ITSN1: variants seen among roughly 807,000 people sequenced by gnomAD.
ITSN1 encodes the protein intersectin 1, also known as intersectin-1.
Under a neutral mutation model 239.8 loss-of-function variants are expected in ITSN1, and 58 were observed. That is an observed-to-expected ratio of 0.24 (90% CI 0.20 to 0.30). The LOEUF (loss-of-function observed/expected upper bound fraction) is 0.30. ITSN1 is among the 10% of genes least tolerant of loss of function. The pLI, the probability that ITSN1 is intolerant of heterozygous loss-of-function variation, is 1.00. For missense variants in ITSN1, 1,558 were observed against 2,103.3 expected (o/e 0.74, Z 5.07); for synonymous variants, 780 against 770.8 (o/e 1.01, Z -0.20).
Position 33,707,189 on chromosome 21 carries a change from A to G in ITSN1, c.-32-11608A>G, listed in dbSNP as rs186810466. ...GTTAGGAATGCTGTACCCTTGACTC[A>G]TACTTAGTCTTTTCTTTGTGGCTTG... is the stretch of plus-strand genomic sequence containing the variant. On this transcript the variant is annotated intron_variant, in intron 1 of 39. Transcript: ENST00000381318. Among the ~76,000 whole-genome samples, 12 of 152,316 alleles carry G rather than the reference A, an allele frequency of 7.9e-5. No individual in the cohort carries two copies. The East Asian group carries it at 1.9e-3, about 24-fold the overall frequency.
chr21:33,832,072 G>A (rs1569272246), intron 27 of ITSN1, among the ~76,000 whole-genome samples: 1 of 152,128 alleles, frequency 6.6e-6, no homozygotes, highest in African/African-American at 2.4e-5. Flanking sequence ...TTCCTGCGGG[G>A]CCCCTCTCCC....
chr21:33,725,720 T>C (rs1394970325), intron 4 of ITSN1, among the ~76,000 whole-genome samples: 1 of 152,242 alleles, frequency 6.6e-6, no homozygotes, highest in Non-Finnish European at 1.5e-5. Flanking sequence ...ATTGAATGAA[T>C]CTTTAATTTT....
chr21:33,795,986 C>T (rs554934876), intron 17 of ITSN1, among the ~76,000 whole-genome samples: 39 of 139,816 alleles, frequency 2.8e-4, no homozygotes, highest in African/African-American at 8.8e-4. Context: ...TTTTTTGAGA[C>T]GGAGTCTCGC....
intron 31 of ITSN1, among the ~76,000 whole-genome samples, chr21:33,859,560 G>A (rs1980068320): frequency 6.6e-6 from 1 of 151,622 alleles, no homozygotes; most frequent in Non-Finnish European, 1.5e-5. Context: ...CCTGCTGGGA[G>A]GAAGGGCCAC....
chr21:33,881,191 A>C (rs1984843558), intron 34 of ITSN1, among the ~76,000 whole-genome samples: 1 of 152,078 alleles, frequency 6.6e-6, no homozygotes, highest in Non-Finnish European at 1.5e-5. Flanking sequence ...GTGGATCACG[A>C]GGTCAGGAGA....
chr21:33,860,446 C>T (rs1980292212), intron 31 of ITSN1, among the ~76,000 whole-genome samples: 1 of 152,140 alleles, frequency 6.6e-6, no homozygotes. Flanking sequence ...GAGAGGGCTT[C>T]CCCCACTTCA....
intron 11 of ITSN1, 146 bp from the exon 12 acceptor site, chr21:33,771,915 T>C: frequency 2.5e-6 from 2 of 813,362 alleles, no homozygotes; most frequent in Non-Finnish European, 3.9e-6. Flanking sequence ...GGGTTTTCGT[T>C]GTGCTCATTA....
At chr21:33,883,693 G>C in intron 36 of ITSN1, 22 bp downstream of exon 36, 1 of 1,610,244 alleles carries the variant, frequency 6.2e-7, no homozygotes, top group Non-Finnish European at 8.5e-7. Flanking sequence ...CGCCTCCCCA[G>C]CATGGGCCCC....
At chr21:33,699,745 C>G (rs1334551589) in intron 1 of ITSN1, among the ~76,000 whole-genome samples, 1 of 152,094 alleles carries the variant, frequency 6.6e-6, no homozygotes, top group Non-Finnish European at 1.5e-5. Context: ...AATAAATAAG[C>G]AAGCCCAAAG....
chr21:33,651,935 T>TA (rs1413509114), intron 1 of ITSN1, among the ~76,000 whole-genome samples: 2 of 152,258 alleles, frequency 1.3e-5, no homozygotes, highest in Admixed American at 6.5e-5. Context: ...AAGTGATTAA[T>TA]ATTACAGTTG....
At chr21:33,676,464 G>A (rs1407019035) in intron 1 of ITSN1, among the ~76,000 whole-genome samples, 1 of 152,162 alleles carries the variant, frequency 6.6e-6, no homozygotes, top group Non-Finnish European at 1.5e-5. Context: ...CTGGGCTCAA[G>A]CAAACCTCCC....
At chr21:33,754,106 G>A (rs577080948) in intron 7 of ITSN1, 40 of 152,166 alleles carry the variant, frequency 2.6e-4, no homozygotes, top group Middle Eastern at 3.4e-3. Context: ...CATTCCTGGC[G>A]TGTAGCAACT....
intron 20 of ITSN1, among the ~76,000 whole-genome samples, chr21:33,804,164 A>G (rs1393169081): frequency 6.6e-6 from 1 of 152,182 alleles, no homozygotes; most frequent in African/African-American, 2.4e-5. Context: ...AGATTCCTCA[A>G]ACGTCTTTGG....
chr21:33,774,765 G>A lies in ITSN1; in HGVS notation c.1342G>A (p.Glu448Lys). 1 of 1,614,042 alleles carries A rather than the reference G, an allele frequency of 6.2e-7. No individual in the cohort carries two copies. The highest frequency in any genetic ancestry group is 1.3e-5 in the African/African-American group (1 of 75,042). Residue 448 changes from glutamate to lysine, a missense_variant, in exon 13 of 40, where the codon GAG becomes AAG. Glu to Lys is a moderately conservative substitution (Grantham distance 56). Around this residue, in one of 2 missense-constraint regions of ITSN1, gnomAD observed 982 missense variants for 1,209.9 expected, o/e 0.81. Coordinates refer to ENST00000381318, the MANE Select transcript of ITSN1 (RefSeq NM_003024.3). ...GGAACTTGAAAGGCAACGACAACTT[G>A]AGTGGGAACGGAATCGAAGGCAAGA... ...KRELERQRQL[E>K]WERNRRQELL...
At position 33,894,324 on chromosome 21, in the gene ITSN1, C is replaced by G. The variant is rs765886367; in HGVS notation, c.*6024C>G. ...TGGCCCTGGGGGAGCCATATTACAC[C>G]CACATCATAATTTTTCTGACACTAT... On this transcript the variant is annotated 3_prime_UTR_variant, in exon 40 of 40. Transcript: ENST00000381318. 6 of 152,124 alleles carry G rather than the reference C, an allele frequency of 3.9e-5. No homozygotes were observed. The highest frequency in any genetic ancestry group is 1.3e-4 in the Admixed American group (2 of 15,272). The allele number at this position is 152,124 out of a possible 1,614,324, so 9.4% of individuals were successfully genotyped here.
intron 1 of ITSN1, among the ~76,000 whole-genome samples, chr21:33,718,458 C>G (rs1182483776): frequency 2.6e-5 from 4 of 152,092 alleles, no homozygotes; most frequent in Admixed American, 6.6e-5. Flanking sequence ...ATAGCATTTA[C>G]CTTGTATTAA....
intron 1 of ITSN1, among the ~76,000 whole-genome samples, chr21:33,678,171 T>C (rs1461289049): frequency 6.6e-6 from 1 of 152,156 alleles, no homozygotes; most frequent in Non-Finnish European, 1.5e-5. Context: ...TTGAACAGGT[T>C]CTTTTCTTTC....
At chr21:33,762,030 G>C (rs1357403572) in intron 9 of ITSN1, 44 bp downstream of exon 9, 1 of 1,401,348 alleles carries the variant, frequency 7.1e-7, no homozygotes, top group South Asian at 1.2e-5. Flanking sequence ...GTGGAAACTT[G>C]GTTAGATTGG....
chr21:33,775,135 A>G (rs771505676), intron 14 of ITSN1, 27 bp downstream of exon 14: 49 of 1,594,024 alleles, frequency 3.1e-5, no homozygotes, highest in South Asian at 3.0e-4. Flanking sequence ...CTTAAAAGCT[A>G]TTATATTAAA....
Sources: gnomAD v4.1 joint callset for allele counts (sites outside exome capture counted in the v4.1 genomes callset) on GRCh38, gnomAD v4.1.1 for gene constraint, gnomAD v4.1.1 regional missense constraint, MANE v1.5 for transcripts, NCBI Gene and HGNC (gene_info 2026-07-23, HGNC 2026-07-21) for gene names.